Variants in ULK4 observed in about 807,000 individuals in gnomAD.
ULK4 encodes the protein unc-51 like kinase 4.
Under a neutral mutation model 160.6 loss-of-function variants are expected in ULK4, and 133 were observed. That is an observed-to-expected ratio of 0.83 (90% CI 0.72 to 0.96). ULK4 has a LOEUF of 0.96. ULK4 is among the 40% of genes least tolerant of loss of function. The pLI, the probability that ULK4 is intolerant of heterozygous loss-of-function variation, is 0.00. For synonymous variants in ULK4, 534 were observed against 539.8 expected (o/e 0.99, Z 0.15); for missense variants, 1,580 against 1,499.5 (o/e 1.05, Z -0.89).
chr3:41,635,902 CATTAA>C (rs1284779212), intron 30 of ULK4, among the ~76,000 whole-genome samples: 3 of 152,216 alleles, frequency 2.0e-5, no homozygotes, highest in African/African-American at 7.2e-5. Context: ...TTTCCCATGT[CATTAA>C]ATATTCATTT....
At chr3:41,956,944 G>T (rs545054952) in intron 1 of ULK4, among the ~76,000 whole-genome samples, 1 of 152,284 alleles carries the variant, frequency 6.6e-6, no homozygotes, top group South Asian at 2.1e-4. Context: ...TAAATCAAGT[G>T]ATGTTGTTGT....
chr3:41,555,414 A>C (rs899525897), intron 32 of ULK4, among the ~76,000 whole-genome samples: 1 of 152,186 alleles, frequency 6.6e-6, no homozygotes, highest in African/African-American at 2.4e-5. Context: ...ACCAACAAAC[A>C]TGAAAAATGC....
chr3:41,347,875 G>A (rs935718874), intron 35 of ULK4, among the ~76,000 whole-genome samples: 6 of 152,112 alleles, frequency 3.9e-5, no homozygotes, highest in African/African-American at 9.7e-5. Flanking sequence ...GTATTAGGAA[G>A]ATATAAGCAG....
At chr3:41,906,766 G>C (rs780249498) in intron 12 of ULK4, among the ~76,000 whole-genome samples, 1 of 152,124 alleles carries the variant, frequency 6.6e-6, no homozygotes, top group Non-Finnish European at 1.5e-5. Flanking sequence ...AGGCCGAGGC[G>C]GGCAGATCAT....
chr3:41,703,755 A>C (rs1693743091), intron 27 of ULK4, among the ~76,000 whole-genome samples: 2 of 152,198 alleles, frequency 1.3e-5, no homozygotes. Flanking sequence ...TTAAAAAAAA[A>C]CCCAAAGTAG....
intron 30 of ULK4, among the ~76,000 whole-genome samples, chr3:41,629,427 T>C (rs1186482257): frequency 6.6e-6 from 1 of 152,152 alleles, no homozygotes; most frequent in African/African-American, 2.4e-5. Context: ...AGAGGAAGCA[T>C]CCAAGGAGTA....
At chr3:41,731,676 G>GAAAAAAAAA (rs371556781) in intron 22 of ULK4, among the ~76,000 whole-genome samples, 1 of 120,082 alleles carries the variant, frequency 8.3e-6, no homozygotes. Context: ...AATTTTGGGG[G>GAAAAAAAAA]AAAAAAAAAA....
rs79595097 is a variant in ULK4, at chr3:41,356,630, C to G, written c.3678+41449G>C. 2.5e-3 allele frequency among the ~76,000 whole-genome samples: 374 copies of G among 152,192 alleles called. 1 individual carries two copies. The highest frequency in any genetic ancestry group is 0.015 in the East Asian group (79 of 5,182). Reference sequence around the variant, plus strand: ...AACATTTTCACTCATTGCTGTAATGCTTTGTTTTCTCTAAAGGTTATATGT... The same window carrying G: ...AACATTTTCACTCATTGCTGTAATGGTTTGTTTTCTCTAAAGGTTATATGT... On this transcript the variant is annotated intron_variant, in intron 35 of 36. Coordinates refer to ENST00000301831, the MANE Select transcript of ULK4 (RefSeq NM_017886.4).
At chr3:41,748,769 C>A (rs184245655) in intron 22 of ULK4, among the ~76,000 whole-genome samples, 3 of 152,284 alleles carry the variant, frequency 2.0e-5, no homozygotes, top group African/African-American at 4.8e-5. Flanking sequence ...TCTGTTTTCA[C>A]CCCCTTTCTT....
At position 41,835,947 on chromosome 3, in the gene ULK4, T is replaced by C. The variant is rs775363730; in HGVS notation, c.1681A>G (p.Ile561Val). ...VEAIVLLTEL[I>V]RENFRNSKLK... ...TTGCTGTTCCTGAAGTTTTCCCTAA[T>C]TAATTCAGTTAAGAGAACAATTGCC... The change falls in exon 18 of 37, where the codon ATT becomes GTT. Residue 561 changes from isoleucine (I) to valine (V), a missense_variant. Transcript: ENST00000301831. 4.9e-5 allele frequency: 79 copies of C among 1,607,014 alleles called. No individual in the cohort carries two copies. Among genetic ancestry groups the C allele is most frequent in the Non-Finnish European group, 5.7e-5 (67 of 1,177,330 alleles).
chr3:41,746,489 G>GT lies in ULK4; in HGVS notation c.2321+7871dup, dbSNP rs1375344292. Among the ~76,000 whole-genome samples, 4 of 149,770 alleles carry GT rather than the reference G, an allele frequency of 2.7e-5. 1 individual carries two copies. The highest frequency in any genetic ancestry group is 9.9e-5 in the African/African-American group (4 of 40,448). On this transcript the variant is annotated intron_variant, in intron 22 of 36. Transcript: ENST00000301831. ...AATTATAGAATGCTAATGAAACAAG[G>GT]TTAAAAAAAAAAAACTAAATAAATA...
rs1308839226 is a variant in ULK4 at position 41,378,721 on chromosome 3, A to G, written c.3678+19358T>C. 4.6e-5 allele frequency among the ~76,000 whole-genome samples: 7 copies of G among 151,804 alleles called. 1 individual carries two copies. Among genetic ancestry groups the G allele is most frequent in the Non-Finnish European group, 8.8e-5 (6 of 67,926 alleles). On this transcript the variant is annotated intron_variant, in intron 35 of 36. Transcript: ENST00000301831. ...GGTGTAGCACACCAACATGGCACAT[A>G]TATACATATGTAACAAACCTGCACG... is the stretch of plus-strand genomic sequence containing the variant.
rs976948707 is a variant in ULK4, at chr3:41,327,164, C to T, written c.3678+70915G>A. Among the ~76,000 whole-genome samples, 13 of 152,188 alleles carry T rather than the reference C, an allele frequency of 8.5e-5. No homozygotes were observed. In the East Asian group the frequency reaches 1.7e-3, roughly 20 times the overall value. On this transcript the variant is annotated intron_variant, in intron 35 of 36. Transcript: ENST00000301831. Reference sequence around the variant, plus strand: ...AAAAAGAGGGTTGGAAATAAATCCCCGGCTTCTAGGAGGGGGAAAAAAGGA... The same window carrying T: ...AAAAAGAGGGTTGGAAATAAATCCCTGGCTTCTAGGAGGGGGAAAAAAGGA...
At chr3:41,502,398 T>C (rs1408186904) in intron 32 of ULK4, among the ~76,000 whole-genome samples, 4 of 152,250 alleles carry the variant, frequency 2.6e-5, no homozygotes, top group Non-Finnish European at 5.9e-5. Flanking sequence ...GGCAGTTTCT[T>C]GTAAAGTTTA....
At chr3:41,763,811 G>C (rs909987458) in intron 21 of ULK4, among the ~76,000 whole-genome samples, 1 of 152,190 alleles carries the variant, frequency 6.6e-6, no homozygotes, top group Non-Finnish European at 1.5e-5. Flanking sequence ...CCAATTTACT[G>C]TCCATCAATA....
intron 32 of ULK4, among the ~76,000 whole-genome samples, chr3:41,515,525 T>C (rs2085721216): frequency 6.6e-6 from 1 of 152,138 alleles, no homozygotes; most frequent in Non-Finnish European, 1.5e-5. Flanking sequence ...AGGAAAGAGG[T>C]TTAACTGACA....
chr3:41,905,603 T>G lies in ULK4; in HGVS notation c.1182+2242A>C, dbSNP rs139122719. The stretch of plus-strand genomic sequence containing the variant: ...TGTTATAACTCCTATCTAGAATATG[T>G]AAAAAATTCTTACAACTAAATAATA... On this transcript the variant is annotated intron_variant, in intron 12 of 36. Transcript: ENST00000301831. Among the ~76,000 whole-genome samples, 99 of 152,248 alleles carry G rather than the reference T, an allele frequency of 6.5e-4. No individual in the cohort carries two copies. The East Asian group carries it at 0.017, about 26-fold the overall frequency.
At chr3:41,916,825 A>C (rs957358266) in intron 7 of ULK4, among the ~76,000 whole-genome samples, 7 of 149,246 alleles carry the variant, frequency 4.7e-5, no homozygotes, top group African/African-American at 1.5e-4. Context: ...CTCCTGTCTC[A>C]GCCTCCCAAG....
intron 2 of ULK4, among the ~76,000 whole-genome samples, chr3:41,950,531 C>T (rs1330344718): frequency 6.6e-6 from 1 of 151,924 alleles, no homozygotes; most frequent in Non-Finnish European, 1.5e-5. Context: ...ACATGAGCCA[C>T]CGCGCCTGGC....
Sources: allele counts gnomAD v4.1 joint callset (sites outside exome capture counted in the v4.1 genomes callset), GRCh38; gene constraint gnomAD v4.1.1; transcripts MANE v1.5; gene names NCBI Gene and HGNC (gene_info 2026-07-23, HGNC 2026-07-21).